The following KAT6B variants were observed in gnomAD, a reference collection of about 807,000 sequenced individuals.
KAT6B encodes lysine acetyltransferase 6B.
In KAT6B, 10 loss-of-function variants were observed where a neutral mutation model predicts 187.5. The observed-to-expected ratio is 0.05, with a 90% CI of 0.03 to 0.09. The LOEUF is 0.09. Ranked by LOEUF, KAT6B falls within the 10% of genes least tolerant of loss-of-function variation. The pLI, the probability that KAT6B is intolerant of heterozygous loss-of-function variation, is 1.00. For synonymous variants in KAT6B, 861 were observed against 926.8 expected, an observed-to-expected ratio of 0.93 and a Z score of 1.29; for missense variants, 1,952 against 2,558.9, an observed-to-expected ratio of 0.76 and a Z score of 5.12.
At chr10:75,011,758 G>T (rs1844625623) in intron 13 of KAT6B, among the ~76,000 whole-genome samples, 2 of 152,166 alleles carry the variant, frequency 1.3e-5, no homozygotes, top group African/African-American at 4.8e-5. Flanking sequence ...GAACTCGGTT[G>T]TGGTGACACA....
rs1486861943 is a variant in KAT6B at position 74,979,649 on chromosome 10, AG to A, written c.2231+311del. Reference sequence around the variant, plus strand: ...ATGAAACCAAATTAAAAAAAAAAAAAGAAATTTGCCATGGTGAATTATTGGG... The same window carrying A: ...ATGAAACCAAATTAAAAAAAAAAAAAAAATTTGCCATGGTGAATTATTGGG... On this transcript the variant is annotated intron_variant, in intron 10 of 17. Transcript: ENST00000287239. Among the ~76,000 whole-genome samples the A allele has an allele frequency of 7.9e-5, 12 of 151,768 alleles. No individual in the cohort carries two copies. The East Asian group carries it at 2.1e-3, about 27-fold the overall frequency.
chr10:74,923,431 G>A (rs981692940), intron 3 of KAT6B, among the ~76,000 whole-genome samples: 12 of 152,152 alleles, frequency 7.9e-5, no homozygotes, highest in Non-Finnish European at 1.5e-4. Flanking sequence ...TGAGTATATA[G>A]CATGTCAGCT....
intron 13 of KAT6B, among the ~76,000 whole-genome samples, chr10:75,003,771 A>G (rs534349481): frequency 6.6e-6 from 1 of 152,320 alleles, no homozygotes; most frequent in African/African-American, 2.4e-5. Flanking sequence ...TTGAAAATTG[A>G]GCTCTCAGTG....
chr10:74,926,419 A>C (rs566964378), intron 3 of KAT6B, among the ~76,000 whole-genome samples: 1 of 152,372 alleles, frequency 6.6e-6, no homozygotes, highest in South Asian at 2.1e-4. Flanking sequence ...GCACCACTGC[A>C]CTCCAGCCTG....
intron 3 of KAT6B, among the ~76,000 whole-genome samples, chr10:74,934,261 A>G (rs1849086487): frequency 6.6e-6 from 1 of 151,396 alleles, no homozygotes; most frequent in South Asian, 2.1e-4. Flanking sequence ...TAGCTGTACT[A>G]TTAGAATGAG....
At chr10:74,967,956 A>C (rs1589723322) in intron 4 of KAT6B, among the ~76,000 whole-genome samples, 1 of 152,180 alleles carries the variant, frequency 6.6e-6, no homozygotes, top group African/African-American at 2.4e-5. Context: ...TGCCCATGAT[A>C]TATGCCTTAC....
At chr10:74,886,031 A>G (rs1376206096) in intron 3 of KAT6B, among the ~76,000 whole-genome samples, 1 of 152,132 alleles carries the variant, frequency 6.6e-6, no homozygotes, top group Non-Finnish European at 1.5e-5. Flanking sequence ...GCGCCCGGCC[A>G]GGGGAAGCTC....
intron 3 of KAT6B, among the ~76,000 whole-genome samples, chr10:74,865,065 A>G (rs989349999): frequency 6.6e-6 from 1 of 152,220 alleles, no homozygotes; most frequent in East Asian, 1.9e-4. Context: ...CCTGAGTCTC[A>G]CTTACCTTAT....
chr10:75,019,381 T>TTAC (rs544794867), intron 13 of KAT6B, among the ~76,000 whole-genome samples: 189 of 152,358 alleles, frequency 1.2e-3, no homozygotes, highest in African/African-American at 4.1e-3. Flanking sequence ...TATTTCTGCA[T>TTAC]TACTGTATTT....
At chr10:74,935,453 C>T (rs1849199802) in intron 3 of KAT6B, among the ~76,000 whole-genome samples, 1 of 151,982 alleles carries the variant, frequency 6.6e-6, no homozygotes, top group Admixed American at 6.6e-5. Context: ...CATGCGCCAC[C>T]ATGCCTGACT....
chr10:74,839,881 C>CT (rs1351366147), intron 2 of KAT6B, among the ~76,000 whole-genome samples: 3 of 152,122 alleles, frequency 2.0e-5, no homozygotes, highest in Non-Finnish European at 4.4e-5. Flanking sequence ...TGTTCCAAGT[C>CT]TAACATTTTT....
intron 3 of KAT6B, among the ~76,000 whole-genome samples, chr10:74,880,720 A>G (rs185009486): frequency 5.9e-5 from 9 of 152,172 alleles, no homozygotes; most frequent in Admixed American, 5.9e-4. Flanking sequence ...GGCTCAAGCA[A>G]TTCTCCTGCC....
chr10:74,897,315 C>T (rs1322310407), intron 3 of KAT6B, among the ~76,000 whole-genome samples: 1 of 152,180 alleles, frequency 6.6e-6, no homozygotes, highest in Admixed American at 6.5e-5. Context: ...CTTCCTCTCC[C>T]CCGCTCCCCA....
intron 3 of KAT6B, among the ~76,000 whole-genome samples, chr10:74,924,346 T>TA (rs34264804): frequency 2.0e-5 from 3 of 151,620 alleles, no homozygotes; most frequent in East Asian, 1.9e-4. Flanking sequence ...GTTCAGATTC[T>TA]AAAAAAAAAT....
At chr10:74,881,884 G>A (rs1349220980) in intron 3 of KAT6B, among the ~76,000 whole-genome samples, 1 of 152,020 alleles carries the variant, frequency 6.6e-6, no homozygotes. Flanking sequence ...TCAAACTCCT[G>A]GCCTCAAAGC....
chr10:74,881,264 A>G, intron 3 of KAT6B, among the ~76,000 whole-genome samples: 1 of 152,202 alleles, frequency 6.6e-6, no homozygotes, highest in East Asian at 1.9e-4. Flanking sequence ...TTGGTTTTAT[A>G]GTTGGACTCT....
chr10:74,921,479 T>C (rs1230510742), intron 3 of KAT6B, among the ~76,000 whole-genome samples: 1 of 152,210 alleles, frequency 6.6e-6, no homozygotes, highest in Non-Finnish European at 1.5e-5. Flanking sequence ...TGTCCCTTGC[T>C]GTTTTTTGGG....
intron 3 of KAT6B, among the ~76,000 whole-genome samples, chr10:74,853,258 A>G (rs932182856): frequency 1.3e-5 from 2 of 150,076 alleles, no homozygotes; most frequent in Admixed American, 1.3e-4. Context: ...AGTAACTGGG[A>G]CTACAGGTGT....
At chr10:75,002,661 A>G (rs1037023369) in intron 13 of KAT6B, among the ~76,000 whole-genome samples, 1 of 152,206 alleles carries the variant, frequency 6.6e-6, no homozygotes, top group Non-Finnish European at 1.5e-5. Flanking sequence ...CGTAGGTGTT[A>G]GTGGTTGTAA....
Sources: allele counts gnomAD v4.1 joint callset (sites outside exome capture counted in the v4.1 genomes callset), GRCh38; gene constraint gnomAD v4.1.1; transcripts MANE v1.5; gene names NCBI Gene and HGNC (gene_info 2026-07-23, HGNC 2026-07-21).